LRP1B: variants seen among roughly 807,000 people sequenced by gnomAD.
LRP1B encodes LDL receptor related protein 1B, also known as low-density lipoprotein receptor-related protein 1B.
In LRP1B, 217 loss-of-function variants were observed where a neutral mutation model predicts 556.6. That is an observed-to-expected ratio of 0.39 (90% confidence interval 0.35 to 0.44). The LOEUF is 0.44. Ranked by LOEUF, LRP1B falls within the 20% of genes least tolerant of loss-of-function variation. The pLI, the probability that LRP1B is intolerant of heterozygous loss-of-function variation, is 1.00. For synonymous variants in LRP1B, 2,047 were observed against 1,865.8 expected, an observed-to-expected ratio of 1.10 and a Z score of -2.50; for missense variants, 5,053 against 5,620.8, an observed-to-expected ratio of 0.90 and a Z score of 3.23.
At chr2:140,621,689 G>A (rs1683463595) in intron 41 of LRP1B, among the ~76,000 whole-genome samples, 1 of 152,122 alleles carries the variant, frequency 6.6e-6, no homozygotes, top group Non-Finnish European at 1.5e-5. Flanking sequence ...CAGTAATGGG[G>A]TGTATAACTG....
At chr2:140,326,565 A>G (rs1680489938) in intron 79 of LRP1B, among the ~76,000 whole-genome samples, 1 of 152,056 alleles carries the variant, frequency 6.6e-6, no homozygotes, top group Non-Finnish European at 1.5e-5. Context: ...AAATACAAAA[A>G]TTAGCAGGGA....
At chr2:141,849,435 C>G (rs1454980790) in intron 1 of LRP1B, among the ~76,000 whole-genome samples, 1 of 151,450 alleles carries the variant, frequency 6.6e-6, no homozygotes, top group Non-Finnish European at 1.5e-5. Context: ...TTAAGCACGC[C>G]AAAGAAATAC....
At chr2:140,948,836 C>T (rs557103443) in intron 20 of LRP1B, among the ~76,000 whole-genome samples, 18 of 152,190 alleles carry the variant, frequency 1.2e-4, no homozygotes, top group Non-Finnish European at 5.9e-5. Context: ...TAAAAAATCA[C>T]ACAATATGTA....
intron 84 of LRP1B, among the ~76,000 whole-genome samples, chr2:140,285,870 C>G (rs564662638): frequency 6.6e-6 from 1 of 151,736 alleles, no homozygotes; most frequent in South Asian, 2.1e-4. Context: ...GTATAGTGTA[C>G]ATGAAGATAG....
chr2:140,886,362 CT>C, intron 23 of LRP1B, 27 bp from the exon 24 acceptor site: 1 of 1,307,230 alleles, frequency 7.6e-7, no homozygotes, highest in Non-Finnish European at 1.1e-6. Context: ...TTTTAATAGG[CT>C]TATGAAAATG....
intron 6 of LRP1B, among the ~76,000 whole-genome samples, chr2:141,212,873 C>T (rs1049496161): frequency 2.6e-5 from 4 of 152,036 alleles, no homozygotes; most frequent in African/African-American, 4.8e-5. Context: ...CCATTTTTAC[C>T]ATAGAGTAAT....
Position 141,039,283 on chromosome 2 carries a change from G to A in LRP1B, c.1789+9703C>T, listed in dbSNP as rs528695937. Among the ~76,000 whole-genome samples the A allele has an allele frequency of 2.2e-4, 33 of 152,086 alleles. 1 individual carries two copies. Among genetic ancestry groups the A allele is most frequent in the African/African-American group, 7.5e-4 (31 of 41,528 alleles). On this transcript the variant is annotated intron_variant, in intron 11 of 90. Transcript: ENST00000389484. ...GTATTTTGAGAGACAGAGACTACAT[G>A]CACATAACATTTATTATAGCATGTT...
chr2:141,742,182 G>A (rs762281339), intron 2 of LRP1B, among the ~76,000 whole-genome samples: 8 of 150,330 alleles, frequency 5.3e-5, no homozygotes, highest in African/African-American at 1.2e-4. Flanking sequence ...CCATGCCATC[G>A]TAGTTACTAT....
Position 141,158,625 on chromosome 2 carries a change from C to T in LRP1B, c.1013+29796G>A, listed in dbSNP as rs191742043. Among the ~76,000 whole-genome samples, 4 of 152,196 alleles carry T rather than the reference C, an allele frequency of 2.6e-5. No homozygotes were observed. In the East Asian group the frequency reaches 7.7e-4, roughly 29 times the overall value. On this transcript the variant is annotated intron_variant, in intron 7 of 90. Transcript: ENST00000389484. Reference sequence around the variant, plus strand: ...AGTATATACAAAGGTAATCCAATGTCGTGGTGTAAGTTATATCTCTTTTCT... The same window carrying T: ...AGTATATACAAAGGTAATCCAATGTTGTGGTGTAAGTTATATCTCTTTTCT...
chr2:140,558,842 G>T (rs1290574571), intron 43 of LRP1B, among the ~76,000 whole-genome samples: 2 of 151,700 alleles, frequency 1.3e-5, no homozygotes, highest in Non-Finnish European at 2.9e-5. Flanking sequence ...AGGCTGAGGT[G>T]GGAGGATAGC....
chr2:141,175,643 C>A (rs1291559880), intron 7 of LRP1B, among the ~76,000 whole-genome samples: 1 of 152,144 alleles, frequency 6.6e-6, no homozygotes, highest in African/African-American at 2.4e-5. Context: ...CATGGAGAAC[C>A]TCTACTAGGT....
chr2:141,326,842 T>C (rs2714179), intron 3 of LRP1B, among the ~76,000 whole-genome samples: 86,392 of 152,038 alleles, frequency 0.57, 26,690 homozygotes, highest in Non-Finnish European at 0.7. Context: ...TGATAAATCA[T>C]TGAAGGGCTT....
intron 2 of LRP1B, among the ~76,000 whole-genome samples, chr2:141,756,939 A>G (rs1304892132): frequency 6.6e-6 from 1 of 152,166 alleles, no homozygotes; most frequent in Non-Finnish European, 1.5e-5. Flanking sequence ...ATAAAAATAT[A>G]TATCTATACA....
chr2:140,389,678 G>A (rs1355465407), intron 66 of LRP1B, among the ~76,000 whole-genome samples: 1 of 146,104 alleles, frequency 6.8e-6, no homozygotes, highest in African/African-American at 2.5e-5. Flanking sequence ...AACTGAAAAT[G>A]TTGTTTAAAA....
intron 1 of LRP1B, among the ~76,000 whole-genome samples, chr2:142,020,152 C>T (rs959465114): frequency 1.2e-4 from 18 of 152,022 alleles, no homozygotes; most frequent in Admixed American, 4.6e-4. Flanking sequence ...AATCAAGGAA[C>T]GGGTAGATAT....
chr2:141,552,298 G>T (rs1479746162), intron 2 of LRP1B, among the ~76,000 whole-genome samples: 1 of 151,906 alleles, frequency 6.6e-6, no homozygotes, highest in Non-Finnish European at 1.5e-5. Flanking sequence ...CTTCCCAAGC[G>T]TTTTAATTTT....
intron 35 of LRP1B, among the ~76,000 whole-genome samples, chr2:140,720,351 T>C (rs932353751): frequency 2.0e-5 from 3 of 152,018 alleles, no homozygotes; most frequent in African/African-American, 7.2e-5. Flanking sequence ...TAATTTAAGA[T>C]AATAACAATT....
chr2:141,106,577 T>C (rs767478018), intron 7 of LRP1B, among the ~76,000 whole-genome samples: 2 of 151,852 alleles, frequency 1.3e-5, no homozygotes, highest in African/African-American at 2.4e-5. Context: ...CAAACTCAAT[T>C]ATGCAAACCT....
intron 1 of LRP1B, among the ~76,000 whole-genome samples, chr2:141,982,645 C>T (rs1343576157): frequency 6.6e-6 from 1 of 152,110 alleles, no homozygotes; most frequent in Non-Finnish European, 1.5e-5. Flanking sequence ...TATTTGTAAT[C>T]TAAGAAAAGG....
Sources: gnomAD v4.1 joint callset for allele counts (sites outside exome capture counted in the v4.1 genomes callset) on GRCh38, gnomAD v4.1.1 for gene constraint, MANE v1.5 for transcripts, NCBI Gene and HGNC (gene_info 2026-07-23, HGNC 2026-07-21) for gene names.